Variants in TECPR2 observed in about 807,000 individuals in gnomAD.
TECPR2 encodes tectonin beta-propeller repeat-containing protein 2.
Under a neutral mutation model 138.1 loss-of-function variants are expected in TECPR2, and 65 were observed. That is an observed-to-expected ratio of 0.47 (90% CI 0.39 to 0.58). The LOEUF (loss-of-function observed/expected upper bound fraction) is 0.58. TECPR2 is among the 20% of genes least tolerant of loss of function. The probability of loss-of-function intolerance (pLI) is 0.00; values close to 1 mark genes in which losing one functional copy is unlikely to be tolerated. For missense variants in TECPR2, 1,553 were observed against 1,824.5 expected, an observed-to-expected ratio of 0.85 and a Z score of 2.71; for synonymous variants, 746 against 749.8, an observed-to-expected ratio of 0.99 and a Z score of 0.08.
chr14:102,418,965 G>T (rs1019380111), intron 5 of TECPR2, among the ~76,000 whole-genome samples: 7 of 152,110 alleles, frequency 4.6e-5, no homozygotes, highest in African/African-American at 1.7e-4. Flanking sequence ...AGGAGGAGAT[G>T]GAACAGCCTG....
At chr14:102,408,370 G>C in intron 3 of TECPR2, 118 bp from the exon 4 acceptor site, 1 of 1,190,348 alleles carries the variant, frequency 8.4e-7, no homozygotes, top group South Asian at 1.7e-5. Flanking sequence ...TGGAAAACGA[G>C]ATTGGGAAAA....
At chr14:102,498,024 C>CCCAAGCTCCCAGCTCCATCTGTGT in intron 19 of TECPR2, 79 bp from the exon 20 acceptor site, 1 of 1,555,828 alleles carries the variant, frequency 6.4e-7, no homozygotes, top group Non-Finnish European at 8.7e-7. Flanking sequence ...CAGACCTGCG[C>CCCAAGCTCCCAGCTCCATCTGTGT]CCAAGCTCCC....
At chr14:102,498,018 C>CCTGCGCCCAAGCTCCCAGCTCCAT in intron 19 of TECPR2, 85 bp from the exon 20 acceptor site, 2 of 824,188 alleles carry the variant, frequency 2.4e-6, no homozygotes, top group South Asian at 2.3e-5. Flanking sequence ...CAAGCCCAGA[C>CCTGCGCCCAAGCTCCCAGCTCCAT]CTGCGCCCAA....
chr14:102,364,423 T>C (rs74640270), intron 1 of TECPR2, among the ~76,000 whole-genome samples: 3,358 of 152,318 alleles, frequency 0.022, 43 homozygotes, highest in Middle Eastern at 0.031. Flanking sequence ...CTAGGGATGC[T>C]GTGGTGAACC....
Position 102,373,876 on chromosome 14 carries a change from C to T in TECPR2, c.-72-2774C>T, listed in dbSNP as rs572019483. 2.0e-5 allele frequency among the ~76,000 whole-genome samples: 3 copies of T among 151,818 alleles called. No homozygotes were observed. The South Asian group carries it at 6.2e-4, about 32-fold the overall frequency. Reference sequence around the variant, plus strand: ...TGGGCAGATCATGAGGTCAGGAGTTCGAGACCAGCCTGGCCAATATGGGGA... The same window carrying T: ...TGGGCAGATCATGAGGTCAGGAGTTTGAGACCAGCCTGGCCAATATGGGGA... On this transcript the variant is annotated intron_variant, in intron 1 of 19. Coordinates refer to ENST00000359520, the MANE Select transcript of TECPR2 (RefSeq NM_014844.5).
chr14:102,422,240 A>G (rs1889203518), intron 5 of TECPR2, among the ~76,000 whole-genome samples: 1 of 152,208 alleles, frequency 6.6e-6, no homozygotes, highest in Admixed American at 6.5e-5. Context: ...TGAAATATCC[A>G]TCAACAAGAA....
intron 13 of TECPR2, among the ~76,000 whole-genome samples, 166 bp downstream of exon 13, chr14:102,446,113 C>T (rs1272232436): frequency 2.6e-5 from 4 of 151,926 alleles, no homozygotes; most frequent in Admixed American, 2.0e-4. Flanking sequence ...GTCATCCAGG[C>T]GGAAGGGCAG....
At chr14:102,467,977 C>T (rs1382884732) in intron 17 of TECPR2, among the ~76,000 whole-genome samples, 1 of 151,038 alleles carries the variant, frequency 6.6e-6, no homozygotes, top group East Asian at 2.0e-4. Context: ...GCTGGGATTA[C>T]AGACATGTGC....
intron 7 of TECPR2, among the ~76,000 whole-genome samples, chr14:102,431,169 G>T (rs538576370): frequency 6.7e-6 from 1 of 149,642 alleles, no homozygotes; most frequent in South Asian, 2.1e-4. Flanking sequence ...GACTATGGGC[G>T]TGCACCACCA....
chr14:102,390,521 G>A (rs950498872), intron 2 of TECPR2, among the ~76,000 whole-genome samples: 15 of 152,130 alleles, frequency 9.9e-5, no homozygotes, highest in Non-Finnish European at 1.5e-4. Context: ...ATCAAAAAAA[G>A]AAGAGAATGT....
At chr14:102,407,208 C>G in intron 2 of TECPR2, 130 bp from the exon 3 acceptor site, 2 of 1,224,586 alleles carry the variant, frequency 1.6e-6, no homozygotes, top group Non-Finnish European at 2.2e-6. Context: ...GACTTGTATA[C>G]CTTTTCAATC....
At position 102,386,104 on chromosome 14, in the gene TECPR2, G is replaced by T. The variant is rs181914863; in HGVS notation, c.219+9164G>T. The stretch of plus-strand genomic sequence containing the variant: ...TACTTGGTAGCCCTGAGTATCAACA[G>T]CATTTTTTGAGCGCCCATTATATAT... On this transcript the variant is annotated intron_variant, in intron 2 of 19. Coordinates refer to ENST00000359520, the MANE Select transcript of TECPR2 (RefSeq NM_014844.5). Among the ~76,000 whole-genome samples the T allele has an allele frequency of 3.7e-3, 564 of 152,184 alleles. 4 individuals carry two copies. Among genetic ancestry groups the T allele is most frequent in the Non-Finnish European group, 3.4e-3 (233 of 68,006 alleles).
intron 16 of TECPR2, among the ~76,000 whole-genome samples, chr14:102,457,525 A>T (rs990575362): frequency 1.1e-4 from 17 of 152,202 alleles, no homozygotes; most frequent in Non-Finnish European, 1.8e-4. Flanking sequence ...ACTGTAAAGG[A>T]GAGTCATCAA....
intron 17 of TECPR2, among the ~76,000 whole-genome samples, chr14:102,468,753 A>G (rs1029782394): frequency 1.3e-5 from 2 of 152,218 alleles, no homozygotes; most frequent in Admixed American, 6.5e-5. Context: ...TCTTACATTA[A>G]GTGCTTCATC....
intron 17 of TECPR2, among the ~76,000 whole-genome samples, chr14:102,490,905 T>G (rs1203108956): frequency 6.6e-6 from 1 of 152,162 alleles, no homozygotes; most frequent in Non-Finnish European, 1.5e-5. Flanking sequence ...TTTTTTGGGT[T>G]TTTTTTGAGA....
intron 1 of TECPR2, among the ~76,000 whole-genome samples, chr14:102,369,769 G>A (rs1010122745): frequency 4.6e-5 from 7 of 151,520 alleles, no homozygotes; most frequent in African/African-American, 1.5e-4. Flanking sequence ...GTGAAACCCC[G>A]TCTCTACTAA....
At chr14:102,462,516 G>A (rs1890431984) in intron 16 of TECPR2, among the ~76,000 whole-genome samples, 1 of 152,186 alleles carries the variant, frequency 6.6e-6, no homozygotes, top group South Asian at 2.1e-4. Context: ...CATAACTGAA[G>A]ACACATGAGA....
Position 102,376,734 on chromosome 14 carries a change from T to C in TECPR2, c.13T>C (p.Ser5Pro), listed in dbSNP as rs781557041. ...GGAAACCTTGGCCATGGCATCGATATCAGAGCCTGTTACATTCAGAGAGTT... is the reference window on the plus strand; with the variant it reads ...GGAAACCTTGGCCATGGCATCGATACCAGAGCCTGTTACATTCAGAGAGTT... MASISEPVTFREFCP... is the reference protein window; with the variant it reads MASIPEPVTFREFCP... Residue 5 changes from serine to proline, a missense_variant, in exon 2 of 20, where the codon TCA (serine) becomes CCA (proline). Coordinates refer to ENST00000359520, the MANE Select transcript of TECPR2 (RefSeq NM_014844.5). 3.7e-6 allele frequency: 6 copies of C among 1,614,106 alleles called. No homozygotes were observed. The highest frequency in any genetic ancestry group is 5.1e-6 in the Non-Finnish European group (6 of 1,180,048).
intron 1 of TECPR2, among the ~76,000 whole-genome samples, chr14:102,363,903 C>T (rs982386067): frequency 6.6e-6 from 1 of 152,228 alleles, no homozygotes; most frequent in African/African-American, 2.4e-5. Flanking sequence ...TGCTAGCCTG[C>T]GTTCTCGCCC....
Sources: gnomAD v4.1 joint callset for allele counts (sites outside exome capture counted in the v4.1 genomes callset) on GRCh38, gnomAD v4.1.1 for gene constraint, MANE v1.5 for transcripts, NCBI Gene and HGNC (gene_info 2026-07-23, HGNC 2026-07-21) for gene names.